The following CELF4 variants were observed in gnomAD, a reference collection of about 807,000 sequenced individuals.
CELF4 encodes the protein CUGBP Elav-like family member 4.
A neutral mutation model predicts 59.9 loss-of-function variants in CELF4; 18 were observed. The observed-to-expected ratio is 0.30, with a 90% CI of 0.21 to 0.45. CELF4 has a LOEUF of 0.45. Among genes scored for constraint, CELF4 ranks in the 20% least tolerant of loss-of-function variants. The pLI is 1.00. For synonymous variants in CELF4, 261 were observed against 267.1 expected, an observed-to-expected ratio of 0.98 and a Z score of 0.22; for missense variants, 456 against 689.0, an observed-to-expected ratio of 0.66 and a Z score of 3.79.
chr18:37,396,870 G>T (rs1410832105), intron 2 of CELF4, among the ~76,000 whole-genome samples: 1 of 152,094 alleles, frequency 6.6e-6, no homozygotes, highest in Non-Finnish European at 1.5e-5. Flanking sequence ...CCTATCCTTT[G>T]TACCTCCCCA....
chr18:37,448,533 G>A (rs2099754408), intron 2 of CELF4, among the ~76,000 whole-genome samples: 1 of 152,242 alleles, frequency 6.6e-6, no homozygotes, highest in South Asian at 2.1e-4. Context: ...TGACGCATTT[G>A]CTGACTGGCT....
At chr18:37,524,811 C>T (rs1428474090) in intron 1 of CELF4, among the ~76,000 whole-genome samples, 1 of 152,122 alleles carries the variant, frequency 6.6e-6, no homozygotes, top group African/African-American at 2.4e-5. Context: ...ACGCCCTCCG[C>T]GCCCCGGCCG....
chr18:37,322,644 C>T (rs1354214547), intron 2 of CELF4, among the ~76,000 whole-genome samples: 1 of 152,230 alleles, frequency 6.6e-6, no homozygotes, highest in East Asian at 1.9e-4. Flanking sequence ...GCATCCCGGG[C>T]TTGGCTGCCT....
chr18:37,362,336 C>A (rs1194935592), intron 2 of CELF4, among the ~76,000 whole-genome samples: 1 of 152,200 alleles, frequency 6.6e-6, no homozygotes, highest in Non-Finnish European at 1.5e-5. Flanking sequence ...GTCAGGGTTG[C>A]GGACGCATCA....
At position 37,453,829 on chromosome 18, in the gene CELF4, C is replaced by G. The variant is rs2099770822; in HGVS notation, c.369+31696G>C. Among the ~76,000 whole-genome samples, 3 of 152,156 alleles carry G rather than the reference C, an allele frequency of 2.0e-5. No homozygotes were observed. The South Asian group carries it at 6.2e-4, about 32-fold the overall frequency. On this transcript the variant is annotated intron_variant, in intron 2 of 12. Transcript: ENST00000420428. ...ATGCCGATATGAGCCTCTGTACCAC[C>G]CTGGCACCTAATAATACATAAGGTA...
At chr18:37,463,685 G>C (rs2099799936) in intron 2 of CELF4, among the ~76,000 whole-genome samples, 1 of 152,084 alleles carries the variant, frequency 6.6e-6, no homozygotes, top group Admixed American at 6.5e-5. Flanking sequence ...TTTGGAGGGA[G>C]TTTTCCAGGG....
intron 1 of CELF4, among the ~76,000 whole-genome samples, chr18:37,521,450 T>C (rs2154604666): frequency 6.6e-6 from 1 of 152,274 alleles, no homozygotes; most frequent in African/African-American, 2.4e-5. Flanking sequence ...TGACATGTCC[T>C]TAAGGGTTGG....
At chr18:37,287,844 C>A (rs996700667) in intron 3 of CELF4, among the ~76,000 whole-genome samples, 1 of 152,118 alleles carries the variant, frequency 6.6e-6, no homozygotes, top group Non-Finnish European at 1.5e-5. Flanking sequence ...TAGATAGATA[C>A]ACAGATGAAA....
At chr18:37,424,015 G>A (rs1489853799) in intron 2 of CELF4, among the ~76,000 whole-genome samples, 2 of 151,970 alleles carry the variant, frequency 1.3e-5, no homozygotes, top group South Asian at 4.2e-4. Flanking sequence ...GACTCATGCT[G>A]TCTGGCCTTT....
chr18:37,362,412 C>T (rs1413531581), intron 2 of CELF4, among the ~76,000 whole-genome samples: 2 of 152,166 alleles, frequency 1.3e-5, no homozygotes, highest in African/African-American at 4.8e-5. Context: ...CTGGGATTGG[C>T]GATTCTGCAG....
At chr18:37,558,434 T>C (rs1363990287) in intron 1 of CELF4, among the ~76,000 whole-genome samples, 1 of 149,694 alleles carries the variant, frequency 6.7e-6, no homozygotes, top group African/African-American at 2.5e-5. Context: ...TCTCTTATGT[T>C]GCCGAATGGA....
rs113233567 is a variant in CELF4, at chr18:37,549,117, C to T, written c.286+16239G>A. Reference sequence around the variant, plus strand: ...AGCAGGAAGCAGACTACCCTTCTCCCAAACAGTCTACGCTGTTGTGGGTGC... The same window carrying T: ...AGCAGGAAGCAGACTACCCTTCTCCTAAACAGTCTACGCTGTTGTGGGTGC... On this transcript the variant is annotated intron_variant, in intron 1 of 12. Coordinates refer to ENST00000420428, the MANE Select transcript of CELF4 (RefSeq NM_020180.4). Among the ~76,000 whole-genome samples the T allele has an allele frequency of 8.9e-3, 1,357 of 152,352 alleles. 22 individuals are homozygous for T. The highest frequency in any genetic ancestry group is 0.03 in the African/African-American group (1,268 of 41,578).
chr18:37,426,981 A>AT (rs59654935), intron 2 of CELF4, among the ~76,000 whole-genome samples: 5 of 137,684 alleles, frequency 3.6e-5, no homozygotes, highest in South Asian at 4.9e-4. Context: ...AAAAAAAAAA[A>AT]GATGGTCAAG....
At chr18:37,291,276 T>C (rs1569537598) in intron 3 of CELF4, among the ~76,000 whole-genome samples, 1 of 152,160 alleles carries the variant, frequency 6.6e-6, no homozygotes, top group Non-Finnish European at 1.5e-5. Flanking sequence ...ATCTTCCCAC[T>C]GCTGGGAGGC....
chr18:37,416,612 A>C (rs549394630), intron 2 of CELF4, among the ~76,000 whole-genome samples: 2 of 152,200 alleles, frequency 1.3e-5, no homozygotes, highest in Non-Finnish European at 2.9e-5. Flanking sequence ...AGCCTTTAAA[A>C]ACAGGACCCA....
At chr18:37,422,907 G>A (rs1445371575) in intron 2 of CELF4, among the ~76,000 whole-genome samples, 2 of 152,264 alleles carry the variant, frequency 1.3e-5, no homozygotes, top group East Asian at 3.9e-4. Flanking sequence ...TGAGCACAAC[G>A]CAAAATTTCC....
intron 3 of CELF4, among the ~76,000 whole-genome samples, chr18:37,291,534 A>G (rs1440066736): frequency 6.6e-6 from 1 of 152,204 alleles, no homozygotes; most frequent in East Asian, 1.9e-4. Context: ...GTTTCCCACC[A>G]GCCCTGTGAT....
At chr18:37,329,000 CT>C (rs1473322670) in intron 2 of CELF4, among the ~76,000 whole-genome samples, 1 of 152,082 alleles carries the variant, frequency 6.6e-6, no homozygotes, top group Non-Finnish European at 1.5e-5. Flanking sequence ...TTTTTATTTG[CT>C]ATTTGATGTC....
intron 1 of CELF4, among the ~76,000 whole-genome samples, chr18:37,531,093 C>T (rs1021405634): frequency 1.3e-5 from 2 of 151,990 alleles, no homozygotes; most frequent in African/African-American, 2.4e-5. Context: ...ACAGGCTTGT[C>T]GGTGGCTCTG....
Sources: allele counts gnomAD v4.1 joint callset (sites outside exome capture counted in the v4.1 genomes callset), GRCh38; gene constraint gnomAD v4.1.1; transcripts MANE v1.5; gene names NCBI Gene and HGNC (gene_info 2026-07-23, HGNC 2026-07-21).